LRP1B: variants seen among roughly 807,000 people sequenced by gnomAD.
LRP1B encodes the protein low-density lipoprotein receptor-related protein 1B.
In LRP1B, 217 loss-of-function variants were observed where a neutral mutation model predicts 556.6. The observed-to-expected ratio is 0.39, with a 90% CI of 0.35 to 0.44. The LOEUF (loss-of-function observed/expected upper bound fraction) is 0.44, where lower values mean the gene tolerates loss of function less well. Ranked by LOEUF, LRP1B falls within the 20% of genes least tolerant of loss-of-function variation. The pLI is 1.00. For missense variants in LRP1B, 5,053 were observed against 5,620.8 expected, an observed-to-expected ratio of 0.90 and a Z score of 3.23; for synonymous variants, 2,047 against 1,865.8, an observed-to-expected ratio of 1.10 and a Z score of -2.50.
chr2:140,275,291 C>G (rs1323623416), intron 84 of LRP1B, among the ~76,000 whole-genome samples: 1 of 152,036 alleles, frequency 6.6e-6, no homozygotes, highest in Non-Finnish European at 1.5e-5. Context: ...TGTAGAAGCT[C>G]GGCAGTTGCC....
intron 32 of LRP1B, among the ~76,000 whole-genome samples, chr2:140,799,052 A>G (rs946763243): frequency 8.5e-5 from 13 of 152,228 alleles, no homozygotes; most frequent in Admixed American, 5.2e-4. Flanking sequence ...TAATTTATAC[A>G]TATTAAAGTT....
intron 6 of LRP1B, among the ~76,000 whole-genome samples, chr2:141,223,121 C>T (rs1371148568): frequency 2.0e-5 from 3 of 151,956 alleles, no homozygotes; most frequent in African/African-American, 7.2e-5. Context: ...ATGACACGAT[C>T]CTATATCTAG....
intron 1 of LRP1B, among the ~76,000 whole-genome samples, chr2:142,065,089 G>A (rs1473075923): frequency 6.6e-6 from 1 of 151,502 alleles, no homozygotes; most frequent in Non-Finnish European, 1.5e-5. Context: ...CATGTCTGTG[G>A]TAGAGTTTCA....
intron 6 of LRP1B, among the ~76,000 whole-genome samples, chr2:141,220,946 C>T (rs1419746082): frequency 6.6e-6 from 1 of 152,012 alleles, no homozygotes; most frequent in Admixed American, 6.6e-5. Context: ...AAGAAAAGTT[C>T]ATTACCAGCC....
At chr2:141,134,921 TTA>T (rs148546522) in intron 7 of LRP1B, among the ~76,000 whole-genome samples, 82 of 150,422 alleles carry the variant, frequency 5.5e-4, no homozygotes, top group African/African-American at 1.7e-3. Flanking sequence ...TTCAAGGTAT[TTA>T]TATATATATA....
At chr2:140,549,028 C>T (rs967127006) in intron 43 of LRP1B, among the ~76,000 whole-genome samples, 10 of 152,132 alleles carry the variant, frequency 6.6e-5, no homozygotes, top group Non-Finnish European at 1.3e-4. Flanking sequence ...CTGCCACATT[C>T]ATTCTAAATT....
intron 20 of LRP1B, among the ~76,000 whole-genome samples, chr2:140,926,628 C>G (rs1694894400): frequency 6.6e-6 from 1 of 152,088 alleles, no homozygotes; most frequent in South Asian, 2.1e-4. Flanking sequence ...CAGGCATGAG[C>G]CTTTGCACCC....
rs764418338 is a variant in LRP1B, at chr2:140,840,896, T to TA, written c.5114+21dup. The TA allele has an allele frequency of 2.3e-5, 32 of 1,407,066 alleles. No individual in the cohort carries two copies. The African/African-American group carries it at 7.1e-4, about 31-fold the overall frequency. The allele number at this position is 1,407,066 out of a possible 1,614,324, so 87.2% of individuals were successfully genotyped here. On this transcript the variant is annotated intron_variant, in intron 30 of 90. Coordinates refer to ENST00000389484, the MANE Select transcript of LRP1B (RefSeq NM_018557.3). ...AGTCTATGAAATTTTGGAAAAACTT[T>TA]AAAAAAAAAATCATACTTTACCCCC... is the stretch of plus-strand genomic sequence containing the variant.
chr2:141,181,408 C>A (rs1680985973), intron 7 of LRP1B, among the ~76,000 whole-genome samples: 1 of 151,872 alleles, frequency 6.6e-6, no homozygotes, highest in African/African-American at 2.4e-5. Flanking sequence ...GAGTGGACAG[C>A]ATTAACTAGT....
chr2:140,250,356 T>C (rs979741095), intron 86 of LRP1B, among the ~76,000 whole-genome samples: 2 of 151,800 alleles, frequency 1.3e-5, no homozygotes, highest in African/African-American at 2.4e-5. Context: ...GATGGATGGA[T>C]AGACAGATAG....
chr2:140,307,485 G>A (rs1017236685), intron 83 of LRP1B, among the ~76,000 whole-genome samples: 1 of 151,378 alleles, frequency 6.6e-6, no homozygotes, highest in African/African-American at 2.4e-5. Flanking sequence ...TTTTTTTCTT[G>A]ATTTTATACT....
intron 41 of LRP1B, among the ~76,000 whole-genome samples, chr2:140,604,559 T>C (rs1437302103): frequency 6.6e-6 from 1 of 152,244 alleles, no homozygotes; most frequent in African/African-American, 2.4e-5. Context: ...CCCCTTCTGG[T>C]CTGCACATTG....
chr2:141,982,747 G>A (rs1307139022), intron 1 of LRP1B, among the ~76,000 whole-genome samples: 1 of 152,174 alleles, frequency 6.6e-6, no homozygotes, highest in Non-Finnish European at 1.5e-5. Context: ...TCACATAACA[G>A]GATCCTGTTT....
chr2:141,936,163 A>T (rs1436017849), intron 1 of LRP1B, among the ~76,000 whole-genome samples: 2 of 152,150 alleles, frequency 1.3e-5, no homozygotes, highest in South Asian at 4.1e-4. Context: ...CAGACACAAG[A>T]TATGTTTTTT....
At chr2:142,049,230 C>T (rs538868148) in intron 1 of LRP1B, among the ~76,000 whole-genome samples, 11 of 152,180 alleles carry the variant, frequency 7.2e-5, no homozygotes, top group African/African-American at 2.6e-4. Flanking sequence ...AAACCTTGTA[C>T]TTTCCATATG....
intron 3 of LRP1B, among the ~76,000 whole-genome samples, chr2:141,368,858 A>G (rs1354981914): frequency 2.6e-5 from 4 of 152,018 alleles, no homozygotes; most frequent in Non-Finnish European, 4.4e-5. Flanking sequence ...CATAGTATTA[A>G]TAATATTGCT....
At chr2:141,356,570 T>C (rs919985799) in intron 3 of LRP1B, among the ~76,000 whole-genome samples, 2 of 132,312 alleles carry the variant, frequency 1.5e-5, no homozygotes, top group African/African-American at 2.5e-5. Context: ...CCTTTTGAGA[T>C]GATAAGAGGT....
intron 1 of LRP1B, among the ~76,000 whole-genome samples, chr2:141,845,151 A>G (rs1697602720): frequency 6.6e-6 from 1 of 151,744 alleles, no homozygotes; most frequent in Non-Finnish European, 1.5e-5. Flanking sequence ...ACTAACAGGT[A>G]TTTTAAGAAT....
chr2:140,549,560 A>G (rs538076330), intron 43 of LRP1B, among the ~76,000 whole-genome samples: 3 of 152,194 alleles, frequency 2.0e-5, no homozygotes, highest in African/African-American at 7.2e-5. Flanking sequence ...GCAGTAATGG[A>G]AAGTTGAGTA....
Sources: gnomAD v4.1 joint callset for allele counts (sites outside exome capture counted in the v4.1 genomes callset) on GRCh38, gnomAD v4.1.1 for gene constraint, MANE v1.5 for transcripts, NCBI Gene and HGNC (gene_info 2026-07-23, HGNC 2026-07-21) for gene names.